The following DPP10 variants were observed in gnomAD, a reference collection of about 807,000 sequenced individuals.
DPP10 encodes dipeptidyl peptidase like 10, also known as inactive dipeptidyl peptidase 10.
DPP10 carries 33 observed loss-of-function variants against 120.9 expected under a neutral mutation model. The observed-to-expected ratio is 0.27, with a 90% CI of 0.21 to 0.37. The LOEUF is 0.37. Among genes scored for constraint, DPP10 ranks in the 10% least tolerant of loss-of-function variants. The pLI, the probability that DPP10 is intolerant of heterozygous loss-of-function variation, is 1.00. For missense variants in DPP10, 816 were observed against 942.8 expected, an observed-to-expected ratio of 0.87 and a Z score of 1.76; for synonymous variants, 337 against 326.1, an observed-to-expected ratio of 1.03 and a Z score of -0.36.
intron 3 of DPP10, among the ~76,000 whole-genome samples, chr2:115,404,640 G>A (rs2068373600): frequency 6.6e-6 from 1 of 151,910 alleles, no homozygotes; most frequent in Non-Finnish European, 1.5e-5. Context: ...TAAAAAAAAA[G>A]ACGTTTATTT....
chr2:115,517,864 A>G (rs1225428144), intron 4 of DPP10, among the ~76,000 whole-genome samples: 1 of 152,228 alleles, frequency 6.6e-6, no homozygotes, highest in Non-Finnish European at 1.5e-5. Context: ...GTAAAGGAAT[A>G]TCTGAGGCTG....
chr2:115,628,486 T>G (rs1029201056), intron 5 of DPP10, among the ~76,000 whole-genome samples: 4 of 152,196 alleles, frequency 2.6e-5, no homozygotes, highest in African/African-American at 9.7e-5. Context: ...CAACTGATGA[T>G]AGTCTCTTTT....
intron 1 of DPP10, among the ~76,000 whole-genome samples, chr2:115,235,939 C>T (rs997695212): frequency 6.6e-6 from 1 of 152,080 alleles, no homozygotes; most frequent in Non-Finnish European, 1.5e-5. Context: ...GCCTCATAGA[C>T]GATTGTTCAG....
At chr2:115,366,391 A>G (rs2065079619) in intron 3 of DPP10, among the ~76,000 whole-genome samples, 1 of 151,918 alleles carries the variant, frequency 6.6e-6, no homozygotes, top group African/African-American at 2.4e-5. Flanking sequence ...TCTCAATTAT[A>G]TTCCTTCTTC....
intron 11 of DPP10, among the ~76,000 whole-genome samples, chr2:115,757,284 T>C (rs1446487): frequency 0.57 from 85,747 of 151,716 alleles, 25,617 homozygotes; most frequent in East Asian, 0.72. Context: ...TGTAATAGTC[T>C]GTTTTCATGC....
At chr2:114,828,220 C>A (rs549485066) in intron 1 of DPP10, among the ~76,000 whole-genome samples, 2 of 152,078 alleles carry the variant, frequency 1.3e-5, no homozygotes, top group Non-Finnish European at 1.5e-5. Flanking sequence ...GCCATACCAC[C>A]CTGAACACTC....
At chr2:115,415,697 A>G (rs943037690) in intron 3 of DPP10, among the ~76,000 whole-genome samples, 1 of 151,646 alleles carries the variant, frequency 6.6e-6, no homozygotes, top group African/African-American at 2.4e-5. Flanking sequence ...CTGTTTTTGT[A>G]CTTGCCATTT....
At chr2:115,628,648 T>G (rs774863583) in intron 5 of DPP10, among the ~76,000 whole-genome samples, 16 of 152,148 alleles carry the variant, frequency 1.1e-4, no homozygotes, top group Admixed American at 4.6e-4. Flanking sequence ...TTCACAGTTT[T>G]GGGCTATACC....
At chr2:115,780,812 C>G in intron 15 of DPP10, 62 bp from the exon 16 acceptor site, 5 of 1,478,688 alleles carry the variant, frequency 3.4e-6, no homozygotes, top group Non-Finnish European at 4.6e-6. Context: ...AATATGAACA[C>G]CACACATTCA....
chr2:115,612,734 A>T (rs995393408), intron 5 of DPP10, among the ~76,000 whole-genome samples: 4 of 152,188 alleles, frequency 2.6e-5, no homozygotes, highest in African/African-American at 9.7e-5. Context: ...TGAGACTAAT[A>T]ATACTGCTCT....
At position 114,939,892 on chromosome 2, in the gene DPP10, T is replaced by A. The variant is rs76028366; in HGVS notation, c.61-369347T>A. Among the ~76,000 whole-genome samples the A allele has an allele frequency of 3.2e-3, 485 of 152,304 alleles. 1 individual carries two copies. The highest frequency in any genetic ancestry group is 0.011 in the African/African-American group (474 of 41,584). ...ATTTGATTTCAGTTTGTATATCTTA[T>A]ATAAAAATATAATCCATACCAAAAT... is the stretch of plus-strand genomic sequence containing the variant. On this transcript the variant is annotated intron_variant, in intron 1 of 25. Transcript: ENST00000410059.
chr2:115,732,798 A>G (rs2092942313), intron 8 of DPP10, among the ~76,000 whole-genome samples: 2 of 152,166 alleles, frequency 1.3e-5, no homozygotes, highest in Admixed American at 6.5e-5. Context: ...AGAACCTTGT[A>G]TATTTAAGGG....
intron 1 of DPP10, among the ~76,000 whole-genome samples, chr2:114,942,340 C>CATATATATATACATATATATATAT (rs1558904069): frequency 1.8e-5 from 2 of 108,340 alleles, no homozygotes; most frequent in African/African-American, 3.8e-5. Context: ...TATATATATA[C>CATATATATATACATATATATATAT]GTATATATAC....
intron 1 of DPP10, among the ~76,000 whole-genome samples, chr2:114,732,368 G>A (rs912313070): frequency 6.6e-6 from 1 of 152,196 alleles, no homozygotes; most frequent in Non-Finnish European, 1.5e-5. Context: ...TGAGGTCAGA[G>A]AAAGCTTCCT....
intron 1 of DPP10, among the ~76,000 whole-genome samples, chr2:114,769,444 G>A (rs901239507): frequency 1.3e-5 from 2 of 152,152 alleles, no homozygotes; most frequent in African/African-American, 2.4e-5. Context: ...CCTCGATACA[G>A]GGAAGCTAGC....
chr2:115,407,232 T>A (rs2068582691), intron 3 of DPP10, among the ~76,000 whole-genome samples: 1 of 152,220 alleles, frequency 6.6e-6, no homozygotes, highest in South Asian at 2.1e-4. Context: ...AGGCTTCATC[T>A]GGGACAGGCA....
At chr2:115,023,153 A>G (rs1370876872) in intron 1 of DPP10, among the ~76,000 whole-genome samples, 2 of 152,160 alleles carry the variant, frequency 1.3e-5, no homozygotes, top group African/African-American at 4.8e-5. Flanking sequence ...AACAGATGGG[A>G]CTTAATTGAC....
At chr2:115,803,708 A>T (rs1301441235) in intron 19 of DPP10, among the ~76,000 whole-genome samples, 1 of 152,150 alleles carries the variant, frequency 6.6e-6, no homozygotes, top group Non-Finnish European at 1.5e-5. Flanking sequence ...TTGGCTGGAT[A>T]TGAAATTCTG....
intron 7 of DPP10, among the ~76,000 whole-genome samples, chr2:115,726,705 C>G (rs1360774737): frequency 2.0e-5 from 3 of 152,002 alleles, no homozygotes; most frequent in African/African-American, 7.2e-5. Flanking sequence ...GTTAAATCAC[C>G]AGAATTAAAA....
Sources: allele counts gnomAD v4.1 joint callset (sites outside exome capture counted in the v4.1 genomes callset), GRCh38; gene constraint gnomAD v4.1.1; transcripts MANE v1.5; gene names NCBI Gene and HGNC (gene_info 2026-07-23, HGNC 2026-07-21).